SGK2: variants seen among roughly 807,000 people sequenced by gnomAD.
The protein encoded by SGK2 is serine/threonine-protein kinase Sgk2.
Under a neutral mutation model 47.5 loss-of-function variants are expected in SGK2, and 36 were observed. That is an observed-to-expected ratio of 0.76 (90% confidence interval 0.58 to 1.00). The LOEUF (loss-of-function observed/expected upper bound fraction) is 1.00. Ranked by LOEUF, SGK2 falls within the 50% of genes least tolerant of loss-of-function variation. The probability of loss-of-function intolerance (pLI) is 0.00; values close to 1 mark genes in which losing one functional copy is unlikely to be tolerated. For synonymous variants in SGK2, 157 were observed against 181.9 expected, an observed-to-expected ratio of 0.86 and a Z score of 1.10; for missense variants, 404 against 467.4, an observed-to-expected ratio of 0.86 and a Z score of 1.25.
intron 12 of SGK2, among the ~76,000 whole-genome samples, chr20:43,580,349 G>A (rs1980714711): frequency 6.6e-6 from 1 of 152,170 alleles, no homozygotes; most frequent in Non-Finnish European, 1.5e-5. Context: ...CCCACATAGG[G>A]CCAAGCCCTT....
intron 12 of SGK2, chr20:43,583,709 C>T (rs1379250817): frequency 1.5e-6 from 1 of 651,398 alleles, no homozygotes; most frequent in South Asian, 6.8e-5. Flanking sequence ...TAGTTCATAT[C>T]TGTAACCCCA....
chr20:43,583,276 A>G, intron 12 of SGK2: 1 of 1,289,772 alleles, frequency 7.8e-7, no homozygotes, highest in Non-Finnish European at 1.0e-6. Flanking sequence ...TGGAGAGAGA[A>G]CCATACATGG....
At chr20:43,578,519 A>G (rs566160671) in intron 11 of SGK2, among the ~76,000 whole-genome samples, 58 of 152,210 alleles carry the variant, frequency 3.8e-4, no homozygotes, top group African/African-American at 1.2e-3. Context: ...ACTATGAGGC[A>G]AACTACCTGG....
At chr20:43,559,797 A>C (rs530117436) in intron 1 of SGK2, among the ~76,000 whole-genome samples, 3 of 152,072 alleles carry the variant, frequency 2.0e-5, no homozygotes, top group Admixed American at 2.0e-4. Flanking sequence ...AGGAGAGAGA[A>C]CTGTGTGACA....
In SGK2 at chr20:43,572,596, G is replaced by A. The variant is rs1156702983; in HGVS notation, c.597+459G>A. ...GGAGGCTGAGGCAGGAGAATCGCTT[G>A]AATACAGGAGGCAGAGGTTGCAGTG... On this transcript the variant is annotated intron_variant, in intron 9 of 12. Transcript: ENST00000373100. This position sits in a 1 kb window ranked among gnomAD's most constrained non-coding sequence, Gnocchi z 4.2. 6.6e-5 allele frequency among the ~76,000 whole-genome samples: 10 copies of A among 152,110 alleles called. No individual in the cohort carries two copies. Among genetic ancestry groups the A allele is most frequent in the Non-Finnish European group, 1.0e-4 (7 of 68,018 alleles).
At chr20:43,564,445 G>C (rs111854741) in intron 1 of SGK2, among the ~76,000 whole-genome samples, 2 of 152,162 alleles carry the variant, frequency 1.3e-5, no homozygotes, top group African/African-American at 4.8e-5. Flanking sequence ...GTCTACACAG[G>C]GTTCGTATAC....
chr20:43,571,986 G>A, intron 8 of SGK2, 65 bp from the exon 9 acceptor site: 1 of 1,193,242 alleles, frequency 8.4e-7, no homozygotes, highest in Non-Finnish European at 1.2e-6. Context: ...TGGGCTTTGG[G>A]GGTTAGGCCT....
chr20:43,564,204 G>A (rs1979544462), intron 1 of SGK2, among the ~76,000 whole-genome samples: 1 of 152,272 alleles, frequency 6.6e-6, no homozygotes, highest in South Asian at 2.1e-4. Flanking sequence ...TACGCAGCAG[G>A]AGAGTCGTGG....
chr20:43,581,893 C>T (rs1980818696), intron 12 of SGK2, among the ~76,000 whole-genome samples: 1 of 152,178 alleles, frequency 6.6e-6, no homozygotes, highest in East Asian at 1.9e-4. Flanking sequence ...CTACTTCCTA[C>T]CAGCGGCACT....
chr20:43,567,998 A>G lies in SGK2; in HGVS notation c.227A>G (p.Glu76Gly), dbSNP rs8183328. 1.2e-6 allele frequency: 2 copies of G among 1,613,326 alleles called. No homozygotes were observed. The highest frequency in any genetic ancestry group is 1.7e-6 in the Non-Finnish European group (2 of 1,179,344). ...LQKKSILKKK[E>G]QSHIMAERSV... Reference sequence around the variant, plus strand: ...AAAAAGTCCATCTTAAAGAAGAAAGAGGTACCAGAGCTCGGGCACAGGCAT... The same window carrying G: ...AAAAAGTCCATCTTAAAGAAGAAAGGGGTACCAGAGCTCGGGCACAGGCAT... The change falls in exon 5 of 13, where the codon GAG becomes GGG. Residue 76 changes from glutamate to glycine, a missense_variant and splice_region_variant. Coordinates refer to ENST00000373100, the MANE Select transcript of SGK2 (RefSeq NM_170693.3).
intron 11 of SGK2, among the ~76,000 whole-genome samples, chr20:43,579,329 T>C (rs1464867691): frequency 1.3e-5 from 2 of 152,144 alleles, no homozygotes; most frequent in African/African-American, 2.4e-5. Context: ...TACGGAGATA[T>C]TTTGGATCTG....
rs1290378164 is a variant in SGK2 at position 43,572,863 on chromosome 20, TC to T, written c.597+728del. Among the ~76,000 whole-genome samples, 4 of 152,162 alleles carry T rather than the reference TC, an allele frequency of 2.6e-5. No homozygotes were observed. Among genetic ancestry groups the T allele is most frequent in the Admixed American group, 6.5e-5 (1 of 15,278 alleles). On this transcript the variant is annotated intron_variant, in intron 9 of 12. Transcript: ENST00000373100. The surrounding 1 kb of genome is among the most constrained non-coding windows in gnomAD (Gnocchi z 4.2). ...TATAAAACTGGTTGAAATATTTTAT[TC>T]CTTTTTTTTTTCTAACTAAGTCTTG...
chr20:43,559,204 T>G (rs1329447122), intron 1 of SGK2, 45 bp downstream of exon 1: 10 of 152,266 alleles, frequency 6.6e-5, no homozygotes, highest in Non-Finnish European at 1.5e-4. Flanking sequence ...GCTCGCCTAT[T>G]GGTCTCCAGA....
At chr20:43,565,127 C>T (rs1234365434) in intron 1 of SGK2, 1 of 152,338 alleles carries the variant, frequency 6.6e-6, no homozygotes, top group South Asian at 2.1e-4. Context: ...CTAGCCCCCT[C>T]GCGGCTGCCG....
At chr20:43,561,867 C>A (rs553513975) in intron 1 of SGK2, among the ~76,000 whole-genome samples, 1 of 152,136 alleles carries the variant, frequency 6.6e-6, no homozygotes, top group Admixed American at 6.5e-5. Context: ...ATTCAAGTGA[C>A]AATGGGGGCT....
rs780094531 is a variant in SGK2, at chr20:43,569,346, T to C, written c.229-39T>C. ...TGAGCCGGGATAAAAGAGGCTGTTG[T>C]GGGCTGTGACATGGACCCCTCTCTT... is the stretch of plus-strand genomic sequence containing the variant. On this transcript the variant is annotated intron_variant, in intron 5 of 12. Coordinates refer to ENST00000373100, the MANE Select transcript of SGK2 (RefSeq NM_170693.3). The C allele has an allele frequency of 2.5e-6, 4 of 1,609,754 alleles. No homozygotes were observed. The East Asian group carries it at 8.9e-5, about 36-fold the overall frequency.
chr20:43,566,338 G>A (rs762487799), intron 1 of SGK2, 135 bp from the exon 2 acceptor site: 7 of 1,612,456 alleles, frequency 4.3e-6, no homozygotes, highest in Admixed American at 1.7e-5. Context: ...CTTACCTCGG[G>A]TAGGAAACCC....
Position 43,576,214 on chromosome 20 carries a change from C to G in SGK2, c.694-10C>G. 6.2e-7 allele frequency: 1 copy of G among 1,613,426 alleles called. No individual in the cohort carries two copies. Among genetic ancestry groups the G allele is most frequent in the African/African-American group, 1.3e-5 (1 of 75,038 alleles). ...GGGTGATCCTCCAGCTGTTCTCCCT[C>G]TCTCCCCAGCCGCCCTTCTACAGCC... On this transcript the variant is annotated splice_polypyrimidine_tract_variant and intron_variant, in intron 10 of 12. Transcript: ENST00000373100.
At chr20:43,563,653 C>T (rs1055978488) in intron 1 of SGK2, among the ~76,000 whole-genome samples, 1 of 152,182 alleles carries the variant, frequency 6.6e-6, no homozygotes, top group Non-Finnish European at 1.5e-5. Flanking sequence ...TTGCAGCTGG[C>T]AAGTGTTCTG....
Sources: allele counts gnomAD v4.1 joint callset (sites outside exome capture counted in the v4.1 genomes callset), GRCh38; gene constraint gnomAD v4.1.1; non-coding constraint Gnocchi (gnomAD v3.1); transcripts MANE v1.5; gene names NCBI Gene and HGNC (gene_info 2026-07-23, HGNC 2026-07-21).